The following MTOR variants were observed in gnomAD, a reference collection of about 807,000 sequenced individuals.
MTOR encodes the protein mechanistic target of rapamycin kinase.
Under a neutral mutation model 319.8 loss-of-function variants are expected in MTOR, and 70 were observed. The ratio of observed to expected loss-of-function variants is 0.22; its 90% confidence interval spans 0.18 to 0.27. The LOEUF is 0.27. Among genes scored for constraint, MTOR ranks in the 10% least tolerant of loss-of-function variants. MTOR has a pLI of 1.00. For synonymous variants in MTOR, 1,183 were observed against 1,211.4 expected, an observed-to-expected ratio of 0.98 and a Z score of 0.49; for missense variants, 1,890 against 3,274.4, an observed-to-expected ratio of 0.58 and a Z score of 10.32.
chr1:11,108,164 T>C lies in MTOR; in HGVS notation c.7634+17A>G, dbSNP rs750543047. On this transcript the variant is annotated intron_variant, in intron 57 of 57. Transcript: ENST00000361445. ...GATTGCTTATTTTAACAAAGTCACTTTGAGAGCCCCACTCACCAGCCAATA... is the reference window on the plus strand; with the variant it reads ...GATTGCTTATTTTAACAAAGTCACTCTGAGAGCCCCACTCACCAGCCAATA... 6.2e-7 allele frequency: 1 copy of C among 1,605,000 alleles called. No homozygotes were observed. The highest frequency in any genetic ancestry group is 8.5e-7 in the Non-Finnish European group (1 of 1,172,150).
chr1:11,232,854 A>T, intron 15 of MTOR: 1 of 520,722 alleles, frequency 1.9e-6, no homozygotes, highest in Non-Finnish European at 3.4e-6. Flanking sequence ...CAGCCTGGAC[A>T]AAGTGAAACT....
At position 11,130,613 on chromosome 1, in the gene MTOR, G is replaced by A. The variant is rs2100430939; in HGVS notation, c.5529C>T (p.Ser1843=). The change falls in exon 39 of 58, where the codon AGC becomes AGT. Residue 1843 remains serine, a synonymous_variant. Coordinates refer to ENST00000361445, the MANE Select transcript of MTOR (RefSeq NM_004958.4). ...TTAATATTTA[S]TEGSNSESEA... is the part of the protein sequence containing the mutation. ...CGCTCTCACTGTTGCTGCCCTCGGT[G>A]CTGGCAGTGGTGGTGGCAGTGGCGG... 1 of 1,614,024 alleles carries A rather than the reference G, an allele frequency of 6.2e-7. No homozygotes were observed. The highest frequency in any genetic ancestry group is 8.5e-7 in the Non-Finnish European group (1 of 1,180,018).
intron 13 of MTOR, among the ~76,000 whole-genome samples, chr1:11,234,470 T>C (rs567326522): frequency 6.6e-6 from 1 of 152,206 alleles, no homozygotes; most frequent in African/African-American, 2.4e-5. Flanking sequence ...GAAGAAAAAC[T>C]ATTCGAAAAC....
Position 11,212,218 on chromosome 1 carries a change from G to A in MTOR, c.3561+94C>T, listed in dbSNP as rs1318032200. ...AAGTAATTCCACGTTCTCTGATGGTGGCTGGCATCAGACAAAGTCTGAGTG... is the reference window on the plus strand; with the variant it reads ...AAGTAATTCCACGTTCTCTGATGGTAGCTGGCATCAGACAAAGTCTGAGTG... On this transcript the variant is annotated intron_variant, in intron 23 of 57. Transcript: ENST00000361445. The surrounding 1 kb of genome is among the most constrained non-coding windows in gnomAD (Gnocchi z 4.1). 3 of 1,428,362 alleles carry A rather than the reference G, an allele frequency of 2.1e-6. No individual in the cohort carries two copies. The highest frequency in any genetic ancestry group is 4.6e-5 in the Admixed American group (2 of 43,880). The allele number at this position is 1,428,362 out of a possible 1,614,324, so 88.5% of individuals were successfully genotyped here.
chr1:11,187,657 G>A (rs1645365838), intron 28 of MTOR, among the ~76,000 whole-genome samples: 2 of 152,180 alleles, frequency 1.3e-5, no homozygotes, highest in Admixed American at 6.5e-5. Context: ...TGTGGTTTAA[G>A]CTCAGTGTCA....
At chr1:11,255,969 T>G in intron 5 of MTOR, 23 bp downstream of exon 5, 1 of 1,602,992 alleles carries the variant, frequency 6.2e-7, no homozygotes, top group Non-Finnish European at 8.5e-7. Flanking sequence ...TTGCTAGTGG[T>G]GGGAATGGAG....
rs771785403 is a variant in MTOR, at chr1:11,118,228, A to ATTTTTTTTTT, written c.6934-1152_6934-1143dup. 2.2e-4 allele frequency among the ~76,000 whole-genome samples: 26 copies of ATTTTTTTTTT among 120,748 alleles called. 3 individuals carry two copies. Among genetic ancestry groups the ATTTTTTTTTT allele is most frequent in the African/African-American group, 1.0e-3 (26 of 25,170 alleles). The allele number at this position is 120,748 out of a possible 152,430, so 79.2% of individuals were successfully genotyped here. On this transcript the variant is annotated intron_variant, in intron 49 of 57. Coordinates refer to ENST00000361445, the MANE Select transcript of MTOR (RefSeq NM_004958.4). Reference sequence around the variant, plus strand: ...ACGCCTTAAATTCCAAACTTAGTTAATTTTTTTTTTTTTTTTTTTTTTTTT... The same window carrying ATTTTTTTTTT: ...ACGCCTTAAATTCCAAACTTAGTTAATTTTTTTTTTTTTTTTTTTTTTTTTTTTTTTTTTT...
At chr1:11,210,792 A>G (rs967522860) in intron 24 of MTOR, 22 bp downstream of exon 24, 3 of 1,545,376 alleles carry the variant, frequency 1.9e-6, no homozygotes, top group South Asian at 1.1e-5. Flanking sequence ...GGACTTCAGA[A>G]CAGAAAAGAA....
At position 11,231,111 on chromosome 1, in the gene MTOR, A is replaced by G. The variant is rs115500195; in HGVS notation, c.2650-57T>C. 2.2e-3 allele frequency: 3,473 copies of G among 1,612,934 alleles called. 86 individuals carry two copies. In the African/African-American group the frequency reaches 0.04, roughly 19 times the overall value. The stretch of plus-strand genomic sequence containing the variant: ...CATTCATCACAACATGATTACAACA[A>G]GTATCACGGATACTCCTCTCAGGTT... On this transcript the variant is annotated intron_variant, in intron 17 of 57. Transcript: ENST00000361445.
chr1:11,160,974 A>T (rs1206792164), intron 29 of MTOR, among the ~76,000 whole-genome samples: 1 of 152,156 alleles, frequency 6.6e-6, no homozygotes, highest in African/African-American at 2.4e-5. Context: ...TGTAAGCCAA[A>T]GCAGGGTGAG....
At position 11,128,054 on chromosome 1, in the gene MTOR, G is replaced by C. The variant is rs746670348; in HGVS notation, c.5983C>G (p.Leu1995Val). 1 of 1,614,190 alleles carries C rather than the reference G, an allele frequency of 6.2e-7. No homozygotes were observed. Among genetic ancestry groups the C allele is most frequent in the Non-Finnish European group, 8.5e-7 (1 of 1,180,044 alleles). ...TTGCTGTGCTCACACATGTTCTTCA[G>C]AATCTTGTTGGCTGCATTGTGCCGG... ...TARHNAANKI[L>V]KNMCEHSNTL... The change falls in exon 43 of 58, where the codon CTG becomes GTG. Residue 1995 changes from leucine to valine, a missense_variant. This residue lies in a region of MTOR where 249 missense variants were observed against 596.2 expected (regional missense o/e 0.42). Transcript: ENST00000361445. This position sits in a 1 kb window ranked among gnomAD's most constrained non-coding sequence, Gnocchi z 5.3.
At position 11,212,099 on chromosome 1, in the gene MTOR, C is replaced by T. The variant is rs184328772; in HGVS notation, c.3561+213G>A. Among the ~76,000 whole-genome samples, 3 of 152,274 alleles carry T rather than the reference C, an allele frequency of 2.0e-5. No individual in the cohort carries two copies. Among genetic ancestry groups the T allele is most frequent in the East Asian group, 3.9e-4 (2 of 5,190 alleles). On this transcript the variant is annotated intron_variant, in intron 23 of 57. Coordinates refer to ENST00000361445, the MANE Select transcript of MTOR (RefSeq NM_004958.4). This position sits in a 1 kb window ranked among gnomAD's most constrained non-coding sequence, Gnocchi z 4.1. The stretch of plus-strand genomic sequence containing the variant: ...GATGGAAGCTCTATGAGAGCAAGGA[C>T]TTTATTCTGTTTACCGTGTTACCCC...
intron 6 of MTOR, among the ~76,000 whole-genome samples, chr1:11,253,601 A>C (rs893326296): frequency 2.0e-5 from 3 of 152,012 alleles, no homozygotes; most frequent in Admixed American, 1.3e-4. Flanking sequence ...CCGTCAAATA[A>C]CACCACCTCA....
chr1:11,213,926 C>T (rs1025274794), intron 20 of MTOR, among the ~76,000 whole-genome samples: 7 of 152,240 alleles, frequency 4.6e-5, no homozygotes, highest in African/African-American at 1.4e-4. Context: ...CCATGATCCA[C>T]TTGGGTCCTT....
chr1:11,220,380 A>C (rs1646624725), intron 19 of MTOR, among the ~76,000 whole-genome samples: 1 of 152,186 alleles, frequency 6.6e-6, no homozygotes, highest in African/African-American at 2.4e-5. Flanking sequence ...TAAAAAAATA[A>C]ATTTTTTAAT....
In MTOR at chr1:11,225,461, A is replaced by G. The variant is rs1260682587; in HGVS notation, c.3030+3207T>C. 2.0e-5 allele frequency among the ~76,000 whole-genome samples: 3 copies of G among 148,762 alleles called. No individual in the cohort carries two copies. In the East Asian group the frequency reaches 5.9e-4, roughly 29 times the overall value. On this transcript the variant is annotated intron_variant, in intron 19 of 57. Coordinates refer to ENST00000361445, the MANE Select transcript of MTOR (RefSeq NM_004958.4). ...TTTTGAGACAGAATCTTGCTCTGCC[A>G]TCCAGGCTGGAGTGCAATGGCACAA...
At position 11,130,551 on chromosome 1, in the gene MTOR, G is replaced by A. The variant is rs750903815; in HGVS notation, c.5591C>T (p.Pro1864Leu). The A allele has an allele frequency of 6.3e-5, 102 of 1,613,148 alleles. No individual in the cohort carries two copies. The highest frequency in any genetic ancestry group is 8.1e-5 in the Non-Finnish European group (95 of 1,179,828). ...TACCTCAGTGACCTTCTTCTGCAGC[G>A]GCGATGGGGTGGGGCTGTTCTCGGT... Reference protein sequence around the residue: ...ESTENSPTPSPLQKKVTEDLS... With the variant: ...ESTENSPTPSLLQKKVTEDLS... The change falls in exon 39 of 58, where the codon CCG (proline) becomes CTG (leucine). Residue 1864 changes from proline to leucine, a missense_variant. By Grantham distance (98) the Pro-to-Leu change is moderately conservative (BLOSUM62 -3). Coordinates refer to ENST00000361445, the MANE Select transcript of MTOR (RefSeq NM_004958.4).
At chr1:11,191,632 A>T (rs144293982) in intron 28 of MTOR, among the ~76,000 whole-genome samples, 2 of 152,346 alleles carry the variant, frequency 1.3e-5, no homozygotes, top group African/African-American at 4.8e-5. Context: ...ATGGCCCTAG[A>T]GTAAAAAAAC....
Position 11,139,750 on chromosome 1 carries a change from G to C in MTOR, c.4873-92C>G. On this transcript the variant is annotated intron_variant, in intron 34 of 57. Coordinates refer to ENST00000361445, the MANE Select transcript of MTOR (RefSeq NM_004958.4). ...TCTGTCGCCCAGGCTGGAGTGCAGT[G>C]GTGCAATCTTGGCTCACTGCAACCT... is the stretch of plus-strand genomic sequence containing the variant. 3.3e-6 allele frequency: 5 copies of C among 1,527,354 alleles called. No individual in the cohort carries two copies. The Admixed American group carries it at 8.9e-5, about 27-fold the overall frequency. The allele number at this position is 1,527,354 out of a possible 1,614,324, so 94.6% of individuals were successfully genotyped here.
Sources: gnomAD v4.1 joint callset for allele counts (sites outside exome capture counted in the v4.1 genomes callset) on GRCh38, gnomAD v4.1.1 for gene constraint, gnomAD v4.1.1 regional missense constraint, Gnocchi (gnomAD v3.1) non-coding constraint, MANE v1.5 for transcripts, NCBI Gene and HGNC (gene_info 2026-07-23, HGNC 2026-07-21) for gene names.